SORBS2: variants seen among roughly 807,000 people sequenced by gnomAD.
The protein encoded by SORBS2 is sorbin and SH3 domain containing 2, also known as sorbin and SH3 domain-containing protein 2.
In SORBS2, 46 loss-of-function variants were observed where a neutral mutation model predicts 97.7. That is an observed-to-expected ratio of 0.47 (90% CI 0.37 to 0.60). The LOEUF (loss-of-function observed/expected upper bound fraction) is 0.60, where lower values mean the gene tolerates loss of function less well. Among genes scored for constraint, SORBS2 ranks in the 20% least tolerant of loss-of-function variants. SORBS2 has a pLI of 0.00. For synonymous variants in SORBS2, 476 were observed against 473.4 expected (o/e 1.01, Z -0.07); for missense variants, 1,316 against 1,282.3 (o/e 1.03, Z -0.40).
At chr4:185,616,786 T>C (rs1249910035) in intron 9 of SORBS2, among the ~76,000 whole-genome samples, 1 of 152,212 alleles carries the variant, frequency 6.6e-6, no homozygotes, top group Non-Finnish European at 1.5e-5. Context: ...TCTTGCTCTG[T>C]CACCCAGGCT....
At chr4:185,823,367 T>A in intron 1 of SORBS2, among the ~76,000 whole-genome samples, 1 of 152,206 alleles carries the variant, frequency 6.6e-6, no homozygotes, top group East Asian at 1.9e-4. Flanking sequence ...CCCATAAAAA[T>A]GTATGGTGGC....
intron 2 of SORBS2, among the ~76,000 whole-genome samples, chr4:185,695,575 G>T (rs1289597879): frequency 6.6e-6 from 1 of 151,848 alleles, no homozygotes; most frequent in Admixed American, 6.6e-5. Context: ...TTATGCACCA[G>T]ATTTTAACTT....
At chr4:185,754,235 G>T (rs1319906483) in intron 2 of SORBS2, among the ~76,000 whole-genome samples, 2 of 152,090 alleles carry the variant, frequency 1.3e-5, no homozygotes, top group East Asian at 1.9e-4. Context: ...AGTATAAGTG[G>T]GAGCTAAACA....
At chr4:185,815,506 T>C (rs1323301681) in intron 1 of SORBS2, among the ~76,000 whole-genome samples, 1 of 152,178 alleles carries the variant, frequency 6.6e-6, no homozygotes, top group African/African-American at 2.4e-5. Context: ...CATTCAGAAA[T>C]TATGTTCAGT....
At chr4:185,704,700 C>T (rs1216180342) in intron 2 of SORBS2, among the ~76,000 whole-genome samples, 1 of 151,506 alleles carries the variant, frequency 6.6e-6, no homozygotes. Context: ...GTTCCCTCTC[C>T]CTCAACTCTC....
At chr4:185,826,713 T>C (rs1011725602) in intron 1 of SORBS2, among the ~76,000 whole-genome samples, 176 of 152,206 alleles carry the variant, frequency 1.2e-3, no homozygotes, top group African/African-American at 4.2e-3. Context: ...AACAAATGTT[T>C]TTCCTGACTT....
intron 4 of SORBS2, among the ~76,000 whole-genome samples, chr4:185,678,204 T>C (rs1323710905): frequency 6.6e-6 from 1 of 152,228 alleles, no homozygotes; most frequent in East Asian, 1.9e-4. Flanking sequence ...CGACATACTT[T>C]GATAAGCTTA....
intron 1 of SORBS2, among the ~76,000 whole-genome samples, chr4:185,927,129 A>AT (rs1258513551): frequency 6.7e-6 from 1 of 149,174 alleles, no homozygotes; most frequent in African/African-American, 2.4e-5. Flanking sequence ...ATGTATATAA[A>AT]ATATATTCTT....
intron 4 of SORBS2, chr4:185,665,994 G>A (rs2097590499): frequency 7.8e-7 from 1 of 1,285,970 alleles, no homozygotes; most frequent in African/African-American, 1.5e-5. Flanking sequence ...AATGGGAAAG[G>A]CTCTGGGGAT....
intron 2 of SORBS2, among the ~76,000 whole-genome samples, chr4:185,733,400 G>A (rs1220095508): frequency 1.3e-5 from 2 of 152,216 alleles, no homozygotes; most frequent in East Asian, 3.9e-4. Flanking sequence ...GGCCAGCGGG[G>A]GTCCGCCCAC....
chr4:185,638,600 C>G (rs903732636), intron 4 of SORBS2, among the ~76,000 whole-genome samples: 3 of 151,270 alleles, frequency 2.0e-5, no homozygotes, highest in African/African-American at 7.3e-5. Flanking sequence ...GCAGTCCCAG[C>G]ATGGGAGCCC....
chr4:185,709,320 T>TTTTTTTTTTTTTTTTCTTTTTTTC (rs1181008953), intron 2 of SORBS2, among the ~76,000 whole-genome samples: 1 of 140,976 alleles, frequency 7.1e-6, no homozygotes, highest in African/African-American at 2.7e-5. Context: ...TTTTTTTTTT[T>TTTTTTTTTTTTTTTTCTTTTTTTC]TTTTAGTAAA....
chr4:185,809,915 G>T (rs753144963), intron 1 of SORBS2, among the ~76,000 whole-genome samples: 1 of 152,144 alleles, frequency 6.6e-6, no homozygotes. Context: ...CTTGCTGCAG[G>T]TCTTTGCACT....
At chr4:185,671,697 A>C (rs569215391) in intron 4 of SORBS2, among the ~76,000 whole-genome samples, 10 of 152,366 alleles carry the variant, frequency 6.6e-5, no homozygotes, top group African/African-American at 1.9e-4. Flanking sequence ...ACACTGTCAG[A>C]TAGAGGCGGA....
At chr4:185,919,445 C>T (rs2099259954) in intron 1 of SORBS2, 1 of 152,134 alleles carries the variant, frequency 6.6e-6, no homozygotes, top group Non-Finnish European at 1.5e-5. Context: ...TATAAATAAA[C>T]TCCTTGACTT....
chr4:185,601,331 C>CATAAGCTGAG lies in SORBS2; in HGVS notation c.2797-7406_2797-7397dup, dbSNP rs1329546442. 5.9e-5 allele frequency among the ~76,000 whole-genome samples: 9 copies of CATAAGCTGAG among 152,172 alleles called. No individual in the cohort carries two copies. The East Asian group carries it at 1.7e-3, about 29-fold the overall frequency. On this transcript the variant is annotated intron_variant, in intron 12 of 14. Transcript: ENST00000418609. ...GACTTGTAGCTGGATGTACTCATGT[C>CATAAGCTGAG]ATAAGCTGAGACCGAGGGGATATAT...
intron 11 of SORBS2, among the ~76,000 whole-genome samples, chr4:185,613,646 CAAAAAA>C (rs35723770): frequency 7.0e-5 from 6 of 85,814 alleles, no homozygotes; most frequent in East Asian, 4.3e-4. Context: ...CACTCCATCT[CAAAAAA>C]AAAAAAAAAA....
intron 2 of SORBS2, among the ~76,000 whole-genome samples, chr4:185,740,485 T>C (rs770003299): frequency 2.0e-5 from 3 of 152,240 alleles, no homozygotes; most frequent in Non-Finnish European, 4.4e-5. Context: ...GCTCTGTGGC[T>C]TTGGCGTCAA....
chr4:185,915,200 A>T (rs534549413), intron 1 of SORBS2, among the ~76,000 whole-genome samples: 1 of 152,356 alleles, frequency 6.6e-6, no homozygotes, highest in East Asian at 1.9e-4. Context: ...TAAGAAGTGG[A>T]CGATGACTTT....
Sources: allele counts gnomAD v4.1 joint callset (sites outside exome capture counted in the v4.1 genomes callset), GRCh38; gene constraint gnomAD v4.1.1; transcripts MANE v1.5; gene names NCBI Gene and HGNC (gene_info 2026-07-23, HGNC 2026-07-21).